ZNF407: variants seen among roughly 807,000 people sequenced by gnomAD.
ZNF407 encodes the protein zinc finger protein 407.
ZNF407 carries 17 observed loss-of-function variants against 131.2 expected under a neutral mutation model. The observed-to-expected ratio is 0.13, with a 90% CI of 0.09 to 0.19. The LOEUF is 0.19. Among genes scored for constraint, ZNF407 ranks in the 10% least tolerant of loss-of-function variants. ZNF407 has a pLI of 1.00. For synonymous variants in ZNF407, 1,156 were observed against 1,062.0 expected (o/e 1.09, Z -1.72); for missense variants, 2,681 against 2,830.6 (o/e 0.95, Z 1.20).
At chr18:74,850,865 T>C (rs563898094) in intron 4 of ZNF407, among the ~76,000 whole-genome samples, 1 of 152,322 alleles carries the variant, frequency 6.6e-6, no homozygotes, top group Non-Finnish European at 1.5e-5. Flanking sequence ...TGTTTTCTTG[T>C]CCATTGCTAT....
At chr18:74,666,083 T>C (rs1985918282) in intron 3 of ZNF407, among the ~76,000 whole-genome samples, 1 of 152,060 alleles carries the variant, frequency 6.6e-6, no homozygotes. Flanking sequence ...GATCCGAAGG[T>C]GCATGGTGAC....
intron 8 of ZNF407, among the ~76,000 whole-genome samples, chr18:75,051,516 T>C (rs1038713119): frequency 6.6e-6 from 1 of 152,174 alleles, no homozygotes; most frequent in Admixed American, 6.5e-5. Flanking sequence ...AGCAGTGGGA[T>C]TTCGTTTCCC....
At chr18:74,828,493 A>C (rs1370345115) in intron 4 of ZNF407, among the ~76,000 whole-genome samples, 1 of 152,228 alleles carries the variant, frequency 6.6e-6, no homozygotes, top group Non-Finnish European at 1.5e-5. Context: ...CAATTAGTTG[A>C]AAAAATACTC....
At chr18:74,860,706 G>A (rs886796888) in intron 4 of ZNF407, among the ~76,000 whole-genome samples, 1 of 151,872 alleles carries the variant, frequency 6.6e-6, no homozygotes, top group African/African-American at 2.4e-5. Flanking sequence ...ATCATAGTGG[G>A]GATAAGAAGT....
chr18:74,770,631 C>A (rs1969341194), intron 3 of ZNF407, among the ~76,000 whole-genome samples: 1 of 152,002 alleles, frequency 6.6e-6, no homozygotes, highest in Non-Finnish European at 1.5e-5. Flanking sequence ...TTCATATGGA[C>A]CCTCATTAAG....
intron 3 of ZNF407, among the ~76,000 whole-genome samples, chr18:74,664,890 A>G (rs1985872188): frequency 1.3e-5 from 2 of 152,168 alleles, no homozygotes; most frequent in South Asian, 4.1e-4. Context: ...ATTGAGTGCA[A>G]AATTTCAATT....
intron 8 of ZNF407, among the ~76,000 whole-genome samples, chr18:74,953,077 G>C (rs956386875): frequency 6.6e-6 from 1 of 151,626 alleles, no homozygotes. Context: ...CAAGAGAGGA[G>C]CCTACGTTGA....
intron 3 of ZNF407, among the ~76,000 whole-genome samples, chr18:74,710,246 G>T (rs929809188): frequency 6.6e-6 from 1 of 152,162 alleles, no homozygotes; most frequent in Non-Finnish European, 1.5e-5. Context: ...CAGATTAATA[G>T]AAATTAATAG....
intron 6 of ZNF407, among the ~76,000 whole-genome samples, chr18:74,883,335 A>C (rs576966333): frequency 1.3e-5 from 2 of 152,282 alleles, no homozygotes; most frequent in East Asian, 3.9e-4. Context: ...AGCAACACAC[A>C]ACCTTTTTCC....
At chr18:74,664,702 GTCTC>G (rs773573805) in intron 3 of ZNF407, among the ~76,000 whole-genome samples, 1 of 151,846 alleles carries the variant, frequency 6.6e-6, no homozygotes, top group East Asian at 1.9e-4. Flanking sequence ...CTGTCTCTCT[GTCTC>G]TCTCTCTCTT....
chr18:74,676,315 C>T (rs13353216), intron 3 of ZNF407, among the ~76,000 whole-genome samples: 13,226 of 151,948 alleles, frequency 0.087, 793 homozygotes, highest in African/African-American at 0.17. Context: ...TGGTCTCAAA[C>T]TCCTGAGCTC....
intron 8 of ZNF407, among the ~76,000 whole-genome samples, chr18:74,962,578 C>T (rs867595226): frequency 6.6e-6 from 1 of 152,232 alleles, no homozygotes; most frequent in African/African-American, 2.4e-5. Flanking sequence ...CCACATCCTG[C>T]GCCTCAGCCC....
At chr18:74,761,930 A>G (rs773183782) in intron 3 of ZNF407, among the ~76,000 whole-genome samples, 1 of 152,148 alleles carries the variant, frequency 6.6e-6, no homozygotes, top group Non-Finnish European at 1.5e-5. Context: ...TCTCCTCCAA[A>G]TTTCAAATTG....
chr18:74,974,583 C>A (rs1481328779), intron 8 of ZNF407, among the ~76,000 whole-genome samples: 2 of 152,056 alleles, frequency 1.3e-5, no homozygotes, highest in Admixed American at 1.3e-4. Context: ...ATATTTATGC[C>A]TTTCAGTAGC....
intron 3 of ZNF407, among the ~76,000 whole-genome samples, chr18:74,655,340 T>C (rs1488739927): frequency 3.9e-5 from 6 of 152,024 alleles, no homozygotes; most frequent in Non-Finnish European, 7.4e-5. Context: ...CTAATCTGGA[T>C]CCACACCTAT....
At chr18:74,827,048 C>G (rs749566143) in intron 4 of ZNF407, among the ~76,000 whole-genome samples, 1 of 152,238 alleles carries the variant, frequency 6.6e-6, no homozygotes, top group East Asian at 1.9e-4. Context: ...CCAGTTGTCA[C>G]GTCTTCCTTA....
chr18:74,987,695 G>GAA (rs1032803003), intron 8 of ZNF407, among the ~76,000 whole-genome samples: 2 of 145,874 alleles, frequency 1.4e-5, no homozygotes, highest in African/African-American at 5.0e-5. Context: ...AGCAAAACTA[G>GAA]AAAAAAAAAA....
At chr18:74,650,706 A>C (rs1011751721) in intron 3 of ZNF407, among the ~76,000 whole-genome samples, 2 of 152,182 alleles carry the variant, frequency 1.3e-5, no homozygotes. Flanking sequence ...TGAAGTATTC[A>C]TGGAAGGGGT....
intron 4 of ZNF407, among the ~76,000 whole-genome samples, chr18:74,831,778 G>A (rs757571433): frequency 2.6e-5 from 4 of 152,096 alleles, no homozygotes; most frequent in East Asian, 1.9e-4. Flanking sequence ...CCTGAGTGTG[G>A]GGACCTCTCC....
Sources: gnomAD v4.1 joint callset for allele counts (sites outside exome capture counted in the v4.1 genomes callset) on GRCh38, gnomAD v4.1.1 for gene constraint, MANE v1.5 for transcripts, NCBI Gene and HGNC (gene_info 2026-07-23, HGNC 2026-07-21) for gene names.